The following ADAM28 variants were observed in gnomAD, a reference collection of about 807,000 sequenced individuals.
The protein encoded by ADAM28 is disintegrin and metalloproteinase domain-containing protein 28.
ADAM28 carries 105 observed loss-of-function variants against 101.2 expected under a neutral mutation model. That is an observed-to-expected ratio of 1.04 (90% CI 0.89 to 1.22). ADAM28 has a LOEUF of 1.22. Ranked by LOEUF, ADAM28 falls within the 50% of genes most tolerant of loss-of-function variation. The pLI, the probability that ADAM28 is intolerant of heterozygous loss-of-function variation, is 0.00. For synonymous variants in ADAM28, 322 were observed against 310.6 expected (o/e 1.04, Z -0.39); for missense variants, 1,028 against 945.4 (o/e 1.09, Z -1.15).
rs766098137 is a variant in ADAM28, at chr8:24,309,917, G to A, written c.174G>A (p.Lys58=). The A allele has an allele frequency of 6.4e-6, 10 of 1,560,182 alleles. No homozygotes were observed. The highest frequency in any genetic ancestry group is 1.4e-5 in the African/African-American group (1 of 73,538). ...AGGAACAATTTGAAACTGAATTAAA[G>A]TATAAAATGACAATTAATGGAAAAA... is the stretch of plus-strand genomic sequence containing the variant. ...EQQEQFETEL[K]YKMTINGKIA... Residue 58 remains lysine (K), a synonymous_variant, in exon 3 of 23, where the codon AAG becomes AAA. Transcript: ENST00000265769.
intron 18 of ADAM28, among the ~76,000 whole-genome samples, chr8:24,348,509 A>G (rs192989755): frequency 6.6e-6 from 1 of 152,124 alleles, no homozygotes; most frequent in East Asian, 1.9e-4. Context: ...ATCTAGGATT[A>G]TTTTCTGTCT....
At position 24,320,266 on chromosome 8, in the gene ADAM28, G is replaced by C. The variant is rs764848218; in HGVS notation, c.607G>C (p.Glu203Gln). ...KLKDRKVQEHEKYIEYYLVLD... is the reference protein window; with the variant it reads ...KLKDRKVQEHQKYIEYYLVLD... ...GAAAGACAGGAAGGTTCAGGAACAT[G>C]AGAAATACATAGAATATTATTTGGT... Residue 203 changes from glutamate (E) to glutamine (Q), a missense_variant, in exon 7 of 23, where the codon GAG (glutamate) becomes CAG (glutamine). Transcript: ENST00000265769. 6.2e-7 allele frequency: 1 copy of C among 1,601,990 alleles called. No homozygotes were observed. The highest frequency in any genetic ancestry group is 1.3e-5 in the African/African-American group (1 of 74,496).
At chr8:24,305,478 A>ATT (rs1809477062) in intron 2 of ADAM28, among the ~76,000 whole-genome samples, 1 of 92,330 alleles carries the variant, frequency 1.1e-5, no homozygotes, top group African/African-American at 4.5e-5. Context: ...TTTTTTTTTT[A>ATT]AAATATGTCT....
chr8:24,306,416 ACACTTCTGATAT>A, intron 2 of ADAM28, among the ~76,000 whole-genome samples: 1 of 145,756 alleles, frequency 6.9e-6, no homozygotes, highest in Non-Finnish European at 1.5e-5. Context: ...GTTCCACACA[ACACTTCTGATAT>A]AATTATAAAG....
intron 6 of ADAM28, 44 bp from the exon 7 acceptor site, chr8:24,320,192 C>T: frequency 7.2e-7 from 1 of 1,391,894 alleles, no homozygotes; most frequent in Admixed American, 1.9e-5. Flanking sequence ...AGAACTTTTG[C>T]AGAAAACAAT....
At chr8:24,294,370 C>T (rs536702994) in intron 1 of ADAM28, among the ~76,000 whole-genome samples, 175 bp downstream of exon 1, 1 of 152,106 alleles carries the variant, frequency 6.6e-6, no homozygotes, top group Non-Finnish European at 1.5e-5. Flanking sequence ...GCGAGTGATA[C>T]AAAGACAATG....
chr8:24,306,274 G>T (rs1461005813), intron 2 of ADAM28, among the ~76,000 whole-genome samples: 3 of 149,966 alleles, frequency 2.0e-5, no homozygotes, highest in African/African-American at 7.4e-5. Context: ...ACCCTGGGAG[G>T]CAGAGGTGGC....
Position 24,320,297 on chromosome 8 carries a change from A to G in ADAM28, c.638A>G (p.Asp213Gly), listed in dbSNP as rs1811698457. ...EKYIEYYLVLDNGEFKRYNEN... is the reference protein window; with the variant it reads ...EKYIEYYLVLGNGEFKRYNEN... ...TACATAGAATATTATTTGGTCCTGG[A>G]TAATGGTGAGGTAATTATATGAGAT... is the stretch of plus-strand genomic sequence containing the variant. Residue 213 changes from aspartate to glycine, a missense_variant, in exon 7 of 23, where the codon GAT becomes GGT. By Grantham distance (94) the Asp-to-Gly change is moderately conservative. Coordinates refer to ENST00000265769, the MANE Select transcript of ADAM28 (RefSeq NM_014265.6). The G allele has an allele frequency of 1.9e-6, 3 of 1,600,184 alleles. No individual in the cohort carries two copies. Among genetic ancestry groups the G allele is most frequent in the Non-Finnish European group, 1.7e-6 (2 of 1,169,816 alleles).
intron 2 of ADAM28, among the ~76,000 whole-genome samples, chr8:24,309,270 A>G (rs62502723): frequency 0.16 from 24,890 of 152,118 alleles, 2,121 homozygotes; most frequent in East Asian, 0.33. Flanking sequence ...ACATTACAGT[A>G]TACATTCCTG....
In ADAM28 at chr8:24,343,584, C is replaced by T. The variant is rs374347801; in HGVS notation, c.1990C>T (p.His664Tyr). The change falls in exon 18 of 23, where the codon CAC (histidine) becomes TAC (tyrosine). Residue 664 changes from histidine (H) to tyrosine (Y), a missense_variant and splice_region_variant. Physicochemically the swap from His to Tyr is moderately conservative, Grantham distance 83 (BLOSUM62 2). Transcript: ENST00000265769. ...PDCDDSSVVF[H>Y]FSIVVGVLFP... ...CTGCGATGACTCCTCAGTGGTCTTC[C>T]GTAGGTAACATTACACATCTAACCT... 2.2e-5 allele frequency: 36 copies of T among 1,613,456 alleles called. No homozygotes were observed. Among genetic ancestry groups the T allele is most frequent in the African/African-American group, 1.1e-4 (8 of 74,974 alleles).
chr8:24,338,407 G>A (rs1395430827), intron 14 of ADAM28, among the ~76,000 whole-genome samples: 1 of 152,082 alleles, frequency 6.6e-6, no homozygotes, highest in Non-Finnish European at 1.5e-5. Flanking sequence ...TGAAGTCTCA[G>A]ATTAGGAATA....
rs377655974 is a variant in ADAM28, at chr8:24,326,574, C to A, written c.911C>A (p.Thr304Lys). ...QLITATELAG[T>K]TVGLAFMSTM... ...TGCAGAGCAACAGAACTTGCTGGAA[C>A]GACTGTGGGTCTTGCATTTATGTCT... The change falls in exon 10 of 23, where the codon ACG becomes AAG. Residue 304 changes from threonine (T) to lysine (K), a missense_variant. Physicochemically the swap from Thr to Lys is moderately conservative, Grantham distance 78 (BLOSUM62 -1). Coordinates refer to ENST00000265769, the MANE Select transcript of ADAM28 (RefSeq NM_014265.6). 8.7e-6 allele frequency: 14 copies of A among 1,611,774 alleles called. No individual in the cohort carries two copies. The highest frequency in any genetic ancestry group is 1.6e-4 in the Middle Eastern group (1 of 6,062).
Position 24,339,140 on chromosome 8 carries a change from C to T in ADAM28, c.1568-326C>T, listed in dbSNP as rs892433920. Among the ~76,000 whole-genome samples, 5 of 152,050 alleles carry T rather than the reference C, an allele frequency of 3.3e-5. No individual in the cohort carries two copies. The South Asian group carries it at 1.0e-3, about 32-fold the overall frequency. On this transcript the variant is annotated intron_variant, in intron 14 of 22. Transcript: ENST00000265769. ...CTGGGCTCTTAACAATGTGTTTTGT[C>T]TGATGGAGATCTGAGGAAGATTACC... is the stretch of plus-strand genomic sequence containing the variant.
At chr8:24,305,185 A>G (rs750284028) in intron 2 of ADAM28, among the ~76,000 whole-genome samples, 8 of 151,852 alleles carry the variant, frequency 5.3e-5, no homozygotes, top group Non-Finnish European at 1.0e-4. Context: ...AGGGGACTCT[A>G]TATTTAGAGT....
At chr8:24,326,676 T>G (rs774572214) in intron 10 of ADAM28, 41 bp downstream of exon 10, 52 of 1,562,314 alleles carry the variant, frequency 3.3e-5, no homozygotes, top group Non-Finnish European at 4.5e-5. Flanking sequence ...GATTTACATT[T>G]ATCAAATGCT....
intron 19 of ADAM28, among the ~76,000 whole-genome samples, chr8:24,350,772 T>C (rs1816003488): frequency 6.6e-6 from 1 of 152,038 alleles, no homozygotes. Context: ...AGAAACAAGC[T>C]CAGAGAGATT....
At chr8:24,317,940 CAG>C (rs1811382080) in intron 6 of ADAM28, among the ~76,000 whole-genome samples, 1 of 151,998 alleles carries the variant, frequency 6.6e-6, no homozygotes, top group African/African-American at 2.4e-5. Flanking sequence ...ACAAATTTAA[CAG>C]AGTTTAATTG....
chr8:24,350,637 A>G (rs1815989080), intron 19 of ADAM28, among the ~76,000 whole-genome samples: 2 of 152,222 alleles, frequency 1.3e-5, no homozygotes, highest in African/African-American at 2.4e-5. Flanking sequence ...TATATCTATT[A>G]TCTTATTTAC....
intron 15 of ADAM28, among the ~76,000 whole-genome samples, chr8:24,340,060 C>T (rs776895537): frequency 2.6e-5 from 4 of 152,112 alleles, no homozygotes; most frequent in Non-Finnish European, 4.4e-5. Flanking sequence ...ATTGACAATT[C>T]ATCTGAAGAG....
Sources: allele counts gnomAD v4.1 joint callset (sites outside exome capture counted in the v4.1 genomes callset), GRCh38; gene constraint gnomAD v4.1.1; transcripts MANE v1.5; gene names NCBI Gene and HGNC (gene_info 2026-07-23, HGNC 2026-07-21).